The following ZC3H12B variants were observed in gnomAD, a reference collection of about 807,000 sequenced individuals.
ZC3H12B encodes zinc finger CCCH-type containing 12B.
ZC3H12B carries 7 observed loss-of-function variants against 43.9 expected under a neutral mutation model. The ratio of observed to expected loss-of-function variants is 0.16; its 90% CI spans 0.09 to 0.30. ZC3H12B has a LOEUF of 0.30. ZC3H12B is among the 10% of genes least tolerant of loss of function. The probability of loss-of-function intolerance (pLI) is 1.00; values close to 1 mark genes in which losing one functional copy is unlikely to be tolerated. For missense variants in ZC3H12B, 475 were observed against 670.2 expected, an observed-to-expected ratio of 0.71 and a Z score of 3.22; for synonymous variants, 222 against 241.7, an observed-to-expected ratio of 0.92 and a Z score of 0.76.
At chrX:65,082,301 A>T in the ZC3H12B span, among the ~76,000 whole-genome samples, 1 of 111,885 alleles carries the variant, frequency 8.9e-6, no homozygotes, top group Non-Finnish European at 1.9e-5. Flanking sequence ...ATTGAAATGA[A>T]GAAACAATAC....
At chrX:65,207,209 CAT>C in the ZC3H12B span, among the ~76,000 whole-genome samples, 2 of 106,678 alleles carry the variant, frequency 1.9e-5, no homozygotes, top group African/African-American at 3.5e-5. Flanking sequence ...CTTGCACACA[CAT>C]GTTTATAGGA....
the ZC3H12B span, among the ~76,000 whole-genome samples, chrX:65,229,161 G>A: frequency 1.8e-5 from 2 of 110,808 alleles, no homozygotes; most frequent in South Asian, 3.9e-4. Context: ...AACCAAAACA[G>A]CATGGTACTG....
At chrX:65,304,433 G>A in the ZC3H12B span, among the ~76,000 whole-genome samples, 2 of 110,886 alleles carry the variant, frequency 1.8e-5, no homozygotes, top group Non-Finnish European at 3.8e-5. Flanking sequence ...TGGCTAACAC[G>A]GTGAAACCTC....
chrX:65,317,725 G>C, the ZC3H12B span, among the ~76,000 whole-genome samples: 1 of 103,674 alleles, frequency 9.6e-6, no homozygotes, highest in East Asian at 3.0e-4. Context: ...CTTTTTTATA[G>C]TTGAGTAGTA....
the ZC3H12B span, among the ~76,000 whole-genome samples, chrX:65,314,377 A>T: frequency 8.9e-6 from 1 of 112,120 alleles, no homozygotes; most frequent in African/African-American, 3.2e-5. Context: ...GCAAAATCAA[A>T]GATAAATGAA....
chrX:65,386,431 C>T (rs752799702), intron 2 of ZC3H12B, among the ~76,000 whole-genome samples: 137 of 111,664 alleles, frequency 1.2e-3, no homozygotes, highest in Non-Finnish European at 1.5e-3. Flanking sequence ...AGTTTGTTTG[C>T]GTAGAGGTGT....
the ZC3H12B span, among the ~76,000 whole-genome samples, chrX:65,247,342 A>C: frequency 8.9e-6 from 1 of 112,369 alleles, no homozygotes; most frequent in East Asian, 2.8e-4. Flanking sequence ...TTTTTCAAAG[A>C]CATAAAGACA....
At chrX:65,342,252 C>T in the ZC3H12B span, among the ~76,000 whole-genome samples, 2 of 111,565 alleles carry the variant, frequency 1.8e-5, no homozygotes, top group Non-Finnish European at 3.8e-5. Context: ...CACAGGAGCA[C>T]CTGGATTTAG....
the ZC3H12B span, among the ~76,000 whole-genome samples, chrX:65,061,418 A>G: frequency 2.7e-5 from 3 of 111,969 alleles, no homozygotes; most frequent in East Asian, 8.4e-4. Flanking sequence ...CATGCGGTGT[A>G]TGGTTTTCTG....
At chrX:65,182,767 G>A in the ZC3H12B span, among the ~76,000 whole-genome samples, 2 of 110,074 alleles carry the variant, frequency 1.8e-5, no homozygotes, top group African/African-American at 6.6e-5. Flanking sequence ...CAAATGACGT[G>A]GACAGACACA....
chrX:65,277,117 C>CA, the ZC3H12B span, among the ~76,000 whole-genome samples: 1 of 110,654 alleles, frequency 9.0e-6, no homozygotes, highest in Non-Finnish European at 1.9e-5. Context: ...TAAAAAGAGA[C>CA]AAAAAATGAG....
the ZC3H12B span, among the ~76,000 whole-genome samples, chrX:65,169,127 G>A: frequency 2.8e-4 from 31 of 111,284 alleles, no homozygotes; most frequent in African/African-American, 9.5e-4. Context: ...TGTGATGTTA[G>A]GGTGTCAATT....
chrX:65,230,608 C>T, the ZC3H12B span, among the ~76,000 whole-genome samples: 17 of 93,368 alleles, frequency 1.8e-4, no homozygotes, highest in East Asian at 4.1e-3. Context: ...TTTCCCCCAG[C>T]GCCAAAAAAA....
chrX:65,150,064 T>C, the ZC3H12B span, among the ~76,000 whole-genome samples: 1 of 110,686 alleles, frequency 9.0e-6, no homozygotes, highest in African/African-American at 3.3e-5. Flanking sequence ...TGTCGTGTTT[T>C]ATTTTTATTT....
chrX:65,263,592 C>T, the ZC3H12B span, among the ~76,000 whole-genome samples: 1 of 110,391 alleles, frequency 9.1e-6, no homozygotes, highest in Non-Finnish European at 1.9e-5. Flanking sequence ...GAGATTATGG[C>T]CTAAAAATGG....
the ZC3H12B span, among the ~76,000 whole-genome samples, chrX:65,293,538 G>T: frequency 1.8e-5 from 2 of 109,644 alleles, no homozygotes; most frequent in Admixed American, 9.8e-5. Context: ...AATTCAGAAG[G>T]TCAGTTATTA....
At chrX:65,172,359 A>T in the ZC3H12B span, among the ~76,000 whole-genome samples, 1 of 110,744 alleles carries the variant, frequency 9.0e-6, no homozygotes, top group South Asian at 3.7e-4. Flanking sequence ...TGGGTAAAAA[A>T]TTTTTCCATT....
At chrX:65,178,292 C>T in the ZC3H12B span, among the ~76,000 whole-genome samples, 18 of 112,161 alleles carry the variant, frequency 1.6e-4, no homozygotes, top group Non-Finnish European at 1.1e-4. Flanking sequence ...AAATGTAAGA[C>T]GTAAAACCAT....
the ZC3H12B span, among the ~76,000 whole-genome samples, chrX:65,079,171 T>C: frequency 8.9e-6 from 1 of 112,648 alleles, no homozygotes; most frequent in African/African-American, 3.2e-5. Context: ...AATGACTGTG[T>C]CATGTGGTTT....
Sources: allele counts gnomAD v4.1 joint callset (sites outside exome capture counted in the v4.1 genomes callset), GRCh38; gene constraint gnomAD v4.1.1; transcripts MANE v1.5; gene names NCBI Gene and HGNC (gene_info 2026-07-23, HGNC 2026-07-21).